The following PA2G4 variants were observed in gnomAD, a reference collection of about 807,000 sequenced individuals.
The protein encoded by PA2G4 is proliferation-associated 2G4.
Under a neutral mutation model 53.3 loss-of-function variants are expected in PA2G4, and 8 were observed. The observed-to-expected ratio is 0.15, with a 90% CI of 0.09 to 0.27. The LOEUF is 0.27. Ranked by LOEUF, PA2G4 falls within the 10% of genes least tolerant of loss-of-function variation. PA2G4 has a pLI of 1.00. For missense variants in PA2G4, 208 were observed against 486.8 expected (o/e 0.43, Z 5.39); for synonymous variants, 143 against 169.8 (o/e 0.84, Z 1.23).
intron 1 of PA2G4, 97 bp from the exon 2 acceptor site, chr12:56,106,491 A>G: frequency 1.5e-6 from 2 of 1,331,610 alleles, no homozygotes; most frequent in South Asian, 3.4e-5. Context: ...ACCAGGGAGT[A>G]TTATGGAAAC....
Position 56,111,176 on chromosome 12 carries a change from C to T in PA2G4, c.938-6C>T, listed in dbSNP as rs1454822572. 2 of 1,614,138 alleles carry T rather than the reference C, an allele frequency of 1.2e-6. No individual in the cohort carries two copies. Among genetic ancestry groups the T allele is most frequent in the Admixed American group, 3.3e-5 (2 of 60,022 alleles). On this transcript the variant is annotated splice_region_variant and splice_polypyrimidine_tract_variant and intron_variant, in intron 10 of 12. Transcript: ENST00000303305. ...TTATCAAAACACATCTTCATTTTTG[C>T]CATAGGTGAATTTGTTGCCCAGTTT...
At chr12:56,108,681 G>C (rs1327883513) in intron 5 of PA2G4, among the ~76,000 whole-genome samples, 1 of 152,182 alleles carries the variant, frequency 6.6e-6, no homozygotes. Flanking sequence ...TTTTGACTTA[G>C]TGATATTTTC....
chr12:56,112,422 G>C (rs1466677865), intron 12 of PA2G4, among the ~76,000 whole-genome samples: 1 of 152,188 alleles, frequency 6.6e-6, no homozygotes, highest in Non-Finnish European at 1.5e-5. Context: ...TTGTAAGTCA[G>C]AGACCTGTAT....
At chr12:56,110,824 CCTT>C in intron 9 of PA2G4, 132 bp downstream of exon 9, 3 of 1,318,502 alleles carry the variant, frequency 2.3e-6, no homozygotes, top group Admixed American at 1.9e-5. Flanking sequence ...CTCCCCATCT[CCTT>C]CTCATTGAAG....
At position 56,111,455 on chromosome 12, in the gene PA2G4, T is replaced by C. The variant is rs780730567; in HGVS notation, c.1066-21T>C. ...TCCTCCACATTTCTCAAAATTTTTT[T>C]CCCTTCTTCCTGTTTTCCAGGCCCT... On this transcript the variant is annotated intron_variant, in intron 11 of 12. Transcript: ENST00000303305. 23 of 1,612,500 alleles carry C rather than the reference T, an allele frequency of 1.4e-5. No individual in the cohort carries two copies. The South Asian group carries it at 1.5e-4, about 11-fold the overall frequency.
chr12:56,112,949 A>C lies in PA2G4; in HGVS notation c.*61A>C. On this transcript the variant is annotated 3_prime_UTR_variant, in exon 13 of 13. Coordinates refer to ENST00000303305, the MANE Select transcript of PA2G4 (RefSeq NM_006191.3). ...TCATCCCCTTCCCACCAAACCCCAG[A>C]CTCTGTGAAGTGCAGTTCTTCTCCA... The C allele has an allele frequency of 8.6e-7, 1 of 1,161,028 alleles. No individual in the cohort carries two copies. Among genetic ancestry groups the C allele is most frequent in the Admixed American group, 2.6e-5 (1 of 38,430 alleles). The allele number at this position is 1,161,028 out of a possible 1,614,324, so 71.9% of individuals were successfully genotyped here. A position where few individuals can be genotyped will look rare whatever the true frequency, so the allele number is the denominator to read the frequency against.
At position 56,113,682 on chromosome 12, in the gene PA2G4, TGAAA is replaced by T. The variant is rs1314336903; in HGVS notation, c.*799_*802del. 2 of 601,364 alleles carry T rather than the reference TGAAA, an allele frequency of 3.3e-6. No individual in the cohort carries two copies. The highest frequency in any genetic ancestry group is 5.9e-6 in the Non-Finnish European group (2 of 341,372). The allele number at this position is 601,364 out of a possible 1,614,324, so 37.3% of individuals were successfully genotyped here. ...TTGAAATATTGTGATCTCCCTCCCA[TGAAA>T]GAAAAACCAAGAACCAGAGGCGTAG... is the stretch of plus-strand genomic sequence containing the variant. On this transcript the variant is annotated 3_prime_UTR_variant, in exon 13 of 13. Transcript: ENST00000303305.
intron 5 of PA2G4, among the ~76,000 whole-genome samples, chr12:56,108,019 C>T (rs1869337705): frequency 6.6e-6 from 1 of 152,084 alleles, no homozygotes. Flanking sequence ...ACAATGAAAC[C>T]CTGTCTCACA....
At position 56,111,027 on chromosome 12, in the gene PA2G4, G is replaced by C. The variant is rs1444742932; in HGVS notation, c.906G>C (p.Leu302=). Residue 302 remains leucine, a synonymous_variant, in exon 10 of 13, where the codon CTG becomes CTC. Coordinates refer to ENST00000303305, the MANE Select transcript of PA2G4 (RefSeq NM_006191.3). ...TGGAGTGCGCCAAACATGAACTGCT[G>C]CAACCATTTAATGTTCTCTATGAGA... ...GVVECAKHEL[L]QPFNVLYEKE... is the part of the protein sequence containing the mutation. 1.2e-6 allele frequency: 2 copies of C among 1,613,802 alleles called. No homozygotes were observed. The highest frequency in any genetic ancestry group is 2.7e-5 in the African/African-American group (2 of 74,918).
At chr12:56,106,344 C>T (rs1315500531) in intron 1 of PA2G4, 4 of 348,132 alleles carry the variant, frequency 1.1e-5, no homozygotes. Context: ...AAGTTCATAA[C>T]TCTGTCCTGT....
intron 1 of PA2G4, 46 bp from the exon 2 acceptor site, chr12:56,106,542 G>C (rs1869306115): frequency 4.1e-6 from 6 of 1,475,428 alleles, no homozygotes; most frequent in Non-Finnish European, 5.4e-6. Context: ...GTGGTAACTA[G>C]ACAATGAATA....
intron 2 of PA2G4, 55 bp downstream of exon 2, chr12:56,106,771 A>G: frequency 1.3e-6 from 2 of 1,549,928 alleles, no homozygotes; most frequent in South Asian, 1.3e-5. Context: ...TTGGTCCTAT[A>G]TGTTTTTATT....
chr12:56,104,579 C>T lies in PA2G4; in HGVS notation c.-159C>T, dbSNP rs1222358449. On this transcript the variant is annotated 5_prime_UTR_variant, in exon 1 of 13. Coordinates refer to ENST00000303305, the MANE Select transcript of PA2G4 (RefSeq NM_006191.3). ...GCCTCAGCCCGCGCGCTCGCAGCTT[C>T]TCGCTCTCGCCTGCCTGCCCGCTCC... is the stretch of plus-strand genomic sequence containing the variant. 12 of 788,724 alleles carry T rather than the reference C, an allele frequency of 1.5e-5. No individual in the cohort carries two copies. Among genetic ancestry groups the T allele is most frequent in the Non-Finnish European group, 2.3e-5 (10 of 437,544 alleles). 48.9% of individuals were successfully genotyped at this position (788,724 alleles called of 1,614,324 possible).
chr12:56,107,295 T>C (rs1869321746), intron 4 of PA2G4, 39 bp downstream of exon 4: 1 of 1,496,742 alleles, frequency 6.7e-7, no homozygotes, highest in Non-Finnish European at 9.3e-7. Flanking sequence ...AGCCTTGGGG[T>C]AGAGGGAATG....
intron 1 of PA2G4, 58 bp from the exon 2 acceptor site, chr12:56,106,530 G>A (rs1045076225): frequency 1.6e-5 from 23 of 1,450,894 alleles, no homozygotes; most frequent in Admixed American, 1.3e-4. Context: ...GGTATTCCTT[G>A]GGTGGTAACT....
At chr12:56,106,248 A>G in intron 1 of PA2G4, 2 of 190,784 alleles carry the variant, frequency 1.0e-5, no homozygotes, top group Non-Finnish European at 2.1e-5. Flanking sequence ...CGAGTCAGCA[A>G]TTCTGTCTAC....
Position 56,107,372 on chromosome 12 carries a change from A to C in PA2G4, c.393+116A>C, listed in dbSNP as rs901753466. The C allele has an allele frequency of 2.1e-5, 22 of 1,069,894 alleles. 1 individual carries two copies. The South Asian group carries it at 2.2e-4, about 11-fold the overall frequency. The allele number at this position is 1,069,894 out of a possible 1,614,324, so 66.3% of individuals were successfully genotyped here. On this transcript the variant is annotated intron_variant, in intron 4 of 12. Transcript: ENST00000303305. ...AAGTTGAGAGAGTCTCTAGAGAAGC[A>C]AAAGGAGAAAGGTTTTTGTTGTTGT...
chr12:56,108,552 A>G (rs1385331164), intron 5 of PA2G4, among the ~76,000 whole-genome samples: 1 of 152,254 alleles, frequency 6.6e-6, no homozygotes, highest in Non-Finnish European at 1.5e-5. Context: ...ACACTAATAT[A>G]AAATAGGCAT....
rs375325942 is a variant in PA2G4, at chr12:56,110,496, T to G, written c.708+19T>G. 4 of 1,613,382 alleles carry G rather than the reference T, an allele frequency of 2.5e-6. No homozygotes were observed. Among genetic ancestry groups the G allele is most frequent in the South Asian group, 2.2e-5 (2 of 91,074 alleles). ...GGGCAAGGTGAGGAGAGTACCAGAG[T>G]TGGCAAAGAGGGGTGACTGAGAGTG... On this transcript the variant is annotated intron_variant, in intron 8 of 12. Transcript: ENST00000303305.
Sources: gnomAD v4.1 joint callset for allele counts (sites outside exome capture counted in the v4.1 genomes callset) on GRCh38, gnomAD v4.1.1 for gene constraint, MANE v1.5 for transcripts, NCBI Gene and HGNC (gene_info 2026-07-23, HGNC 2026-07-21) for gene names.